PIK3C2G: variants seen among roughly 807,000 people sequenced by gnomAD.
PIK3C2G encodes the protein phosphatidylinositol-4-phosphate 3-kinase catalytic subunit type 2 gamma.
A neutral mutation model predicts 181.1 loss-of-function variants in PIK3C2G; 168 were observed. That is an observed-to-expected ratio of 0.93 (90% CI 0.82 to 1.05). The LOEUF (loss-of-function observed/expected upper bound fraction) is 1.05. PIK3C2G is among the 50% of genes least tolerant of loss of function. PIK3C2G has a pLI of 0.00. For synonymous variants in PIK3C2G, 573 were observed against 592.2 expected (o/e 0.97, Z 0.47); for missense variants, 1,869 against 1,732.8 (o/e 1.08, Z -1.40).
the PIK3C2G span, among the ~76,000 whole-genome samples, chr12:18,709,368 G>A: frequency 1.3e-5 from 2 of 151,986 alleles, no homozygotes; most frequent in Non-Finnish European, 2.9e-5. Flanking sequence ...CTGTTCCACT[G>A]GTCTATATGT....
Position 18,640,462 on chromosome 12 carries a change from G to A in PIK3C2G, c.4216G>A (p.Val1406Ile), listed in dbSNP as rs766663632. 10 of 1,610,206 alleles carry A rather than the reference G, an allele frequency of 6.2e-6. No homozygotes were observed. Among genetic ancestry groups the A allele is most frequent in the Non-Finnish European group, 8.5e-6 (10 of 1,177,814 alleles). ...AGATGGCTCTGCGCCCAGTGCACATGTTGAATTTTATCTTTTACCATATCC... is the reference window on the plus strand; with the variant it reads ...AGATGGCTCTGCGCCCAGTGCACATATTGAATTTTATCTTTTACCATATCC... The part of the protein sequence containing the change: ...LPDGSAPSAH[V>I]EFYLLPYPSE... The change falls in exon 32 of 33, where the codon GTT becomes ATT. Residue 1406 changes from valine (V) to isoleucine (I), a missense_variant. Val to Ile is a conservative substitution (Grantham distance 29). Transcript: ENST00000538779.
At chr12:18,657,194 G>A in the PIK3C2G span, among the ~76,000 whole-genome samples, 1 of 152,104 alleles carries the variant, frequency 6.6e-6, no homozygotes, top group African/African-American at 2.4e-5. Flanking sequence ...CTGCTGCTGG[G>A]GACAAGGAAT....
At chr12:18,279,019 G>GA (rs1272349826) in intron 1 of PIK3C2G, among the ~76,000 whole-genome samples, 15 of 151,738 alleles carry the variant, frequency 9.9e-5, no homozygotes, top group Admixed American at 2.0e-4. Context: ...AGAAGTACTT[G>GA]AAAAAAATAT....
intron 22 of PIK3C2G, among the ~76,000 whole-genome samples, chr12:18,499,785 A>G (rs1941282658): frequency 6.6e-6 from 1 of 152,198 alleles, no homozygotes; most frequent in Non-Finnish European, 1.5e-5. Context: ...CACCTTGGGT[A>G]ATTTTATCCC....
chr12:18,324,000 C>G (rs1422406692), intron 7 of PIK3C2G, among the ~76,000 whole-genome samples: 1 of 151,928 alleles, frequency 6.6e-6, no homozygotes, highest in Non-Finnish European at 1.5e-5. Context: ...GTGGGCGGAT[C>G]ATGAGGTCAG....
intron 1 of PIK3C2G, among the ~76,000 whole-genome samples, chr12:18,249,000 AC>A (rs1462901926): frequency 1.3e-5 from 2 of 152,200 alleles, no homozygotes; most frequent in African/African-American, 4.8e-5. Context: ...TATCCTAAAC[AC>A]ATAAAACAGT....
At chr12:18,710,043 C>T in the PIK3C2G span, among the ~76,000 whole-genome samples, 1 of 151,656 alleles carries the variant, frequency 6.6e-6, no homozygotes, top group African/African-American at 2.4e-5. Flanking sequence ...TGAGTTCTAA[C>T]AGGGTTTTTT....
At chr12:18,489,347 T>C (rs935258747) in intron 19 of PIK3C2G, among the ~76,000 whole-genome samples, 3 of 152,104 alleles carry the variant, frequency 2.0e-5, no homozygotes, top group African/African-American at 7.2e-5. Context: ...GATAGAAAGA[T>C]GACCAAAACA....
chr12:18,499,799 G>A (rs762135719), intron 22 of PIK3C2G, among the ~76,000 whole-genome samples: 3 of 152,200 alleles, frequency 2.0e-5, no homozygotes, highest in African/African-American at 4.8e-5. Flanking sequence ...TTATCCCTAA[G>A]AGCCTTGCTA....
chr12:18,590,873 A>G (rs1592662049), intron 29 of PIK3C2G, among the ~76,000 whole-genome samples: 1 of 151,964 alleles, frequency 6.6e-6, no homozygotes, highest in East Asian at 1.9e-4. Flanking sequence ...ACCCAGAATT[A>G]TAAATGAGGA....
intron 24 of PIK3C2G, among the ~76,000 whole-genome samples, chr12:18,519,584 G>A (rs1942778481): frequency 6.6e-6 from 1 of 151,974 alleles, no homozygotes; most frequent in African/African-American, 2.4e-5. Flanking sequence ...TTTACCTCCA[G>A]CCCTTTATTT....
At chr12:18,694,950 C>G in the PIK3C2G span, 1 of 1,603,728 alleles carries the variant, frequency 6.2e-7, no homozygotes. Context: ...TTTTATGTTA[C>G]TTGGGTTAAA....
exon 1 of PIK3C2G, chr12:18,247,983 G>A (rs1039359978): frequency 6.6e-6 from 1 of 151,888 alleles, no homozygotes; most frequent in Non-Finnish European, 1.5e-5. Context: ...GAGAATTGTT[G>A]AGAAGCAGAA....
chr12:18,675,050 A>G, the PIK3C2G span, among the ~76,000 whole-genome samples: 1 of 152,202 alleles, frequency 6.6e-6, no homozygotes, highest in African/African-American at 2.4e-5. Flanking sequence ...ACCTTATTCA[A>G]TATGGTAGCT....
rs529879094 is a variant in PIK3C2G, at chr12:18,612,947, A to G, written c.4182+3318A>G. On this transcript the variant is annotated intron_variant, in intron 31 of 32. Coordinates refer to ENST00000538779, the MANE Select transcript of PIK3C2G (RefSeq NM_001288772.2). Reference sequence around the variant, plus strand: ...TTCCCTTTCAAAGCATCACAATATGATTCACTCTAGCACACAGAGACTGAT... The same window carrying G: ...TTCCCTTTCAAAGCATCACAATATGGTTCACTCTAGCACACAGAGACTGAT... Among the ~76,000 whole-genome samples, 8 of 152,264 alleles carry G rather than the reference A, an allele frequency of 5.3e-5. No homozygotes were observed. In the East Asian group the frequency reaches 1.5e-3, roughly 29 times the overall value.
chr12:18,657,744 A>G, the PIK3C2G span, among the ~76,000 whole-genome samples: 16,222 of 152,212 alleles, frequency 0.11, 1,007 homozygotes, highest in Middle Eastern at 0.17. Context: ...TTGCCACACT[A>G]TAATATTCAA....
intron 1 of PIK3C2G, among the ~76,000 whole-genome samples, chr12:18,279,421 AT>A (rs1225199685): frequency 6.6e-6 from 1 of 152,034 alleles, no homozygotes; most frequent in Non-Finnish European, 1.5e-5. Flanking sequence ...GAAATCTTTA[AT>A]TGCATTATCA....
chr12:18,431,265 G>C (rs1001142902), intron 18 of PIK3C2G, among the ~76,000 whole-genome samples: 8 of 152,156 alleles, frequency 5.3e-5, no homozygotes, highest in African/African-American at 1.9e-4. Context: ...GACAAACATA[G>C]AGATGATGGA....
At chr12:18,348,419 G>T (rs906144465) in intron 11 of PIK3C2G, among the ~76,000 whole-genome samples, 1 of 151,878 alleles carries the variant, frequency 6.6e-6, no homozygotes, top group Admixed American at 6.6e-5. Flanking sequence ...TAAAAATAGA[G>T]CACTTTCTAA....
Sources: gnomAD v4.1 joint callset for allele counts (sites outside exome capture counted in the v4.1 genomes callset) on GRCh38, gnomAD v4.1.1 for gene constraint, MANE v1.5 for transcripts, NCBI Gene and HGNC (gene_info 2026-07-23, HGNC 2026-07-21) for gene names.